Variants in SMARCC1 observed in about 807,000 individuals in gnomAD.
SMARCC1 encodes the protein SWI/SNF complex subunit SMARCC1.
In SMARCC1, 43 loss-of-function variants were observed where a neutral mutation model predicts 147.4. The ratio of observed to expected loss-of-function variants is 0.29; its 90% CI spans 0.23 to 0.38. The LOEUF is 0.38. SMARCC1 is among the 10% of genes least tolerant of loss of function. The probability of loss-of-function intolerance (pLI) is 1.00; values close to 1 mark genes in which losing one functional copy is unlikely to be tolerated. For missense variants in SMARCC1, 1,119 were observed against 1,381.1 expected (o/e 0.81, Z 3.01); for synonymous variants, 495 against 484.4 (o/e 1.02, Z -0.29).
At chr3:47,659,761 G>GGGA (rs1553680850) in intron 21 of SMARCC1, among the ~76,000 whole-genome samples, 1 of 10,190 alleles carries the variant, frequency 9.8e-5, no homozygotes, top group Non-Finnish European at 2.0e-4. Flanking sequence ...AAAAAAAAAA[G>GGGA]GGGGGGGGGG....
chr3:47,591,730 A>C (rs931844814), intron 26 of SMARCC1, among the ~76,000 whole-genome samples: 1 of 152,006 alleles, frequency 6.6e-6, no homozygotes, highest in African/African-American at 2.4e-5. Flanking sequence ...TTTTTAGTAG[A>C]GATGGGGTTT....
chr3:47,752,541 G>A (rs1206422747), intron 2 of SMARCC1, among the ~76,000 whole-genome samples: 2 of 152,038 alleles, frequency 1.3e-5, no homozygotes, highest in African/African-American at 2.4e-5. Context: ...ATTCTAACAC[G>A]TTGAGAGGCC....
chr3:47,624,160 G>C (rs2032775036), intron 24 of SMARCC1, among the ~76,000 whole-genome samples: 1 of 151,910 alleles, frequency 6.6e-6, no homozygotes, highest in South Asian at 2.1e-4. Flanking sequence ...GTGTGGTGGT[G>C]CATGTCTGTA....
At chr3:47,718,887 G>A (rs1244575166) in intron 7 of SMARCC1, among the ~76,000 whole-genome samples, 2 of 151,832 alleles carry the variant, frequency 1.3e-5, no homozygotes, top group Non-Finnish European at 2.9e-5. Context: ...CACTATGCAG[G>A]CATTAATATT....
At chr3:47,617,156 C>G (rs1049314637) in intron 25 of SMARCC1, among the ~76,000 whole-genome samples, 1 of 152,170 alleles carries the variant, frequency 6.6e-6, no homozygotes, top group Non-Finnish European at 1.5e-5. Context: ...TAGATAAATA[C>G]AAAGAGCTGA....
intron 24 of SMARCC1, among the ~76,000 whole-genome samples, chr3:47,627,870 C>T (rs971916676): frequency 3.3e-5 from 5 of 152,030 alleles, no homozygotes; most frequent in African/African-American, 1.2e-4. Context: ...ATAGGCATTA[C>T]ACCACCACGC....
chr3:47,618,294 C>A (rs1413070363), intron 25 of SMARCC1, among the ~76,000 whole-genome samples: 1 of 151,988 alleles, frequency 6.6e-6, no homozygotes, highest in Non-Finnish European at 1.5e-5. Flanking sequence ...GTAATCCAAA[C>A]CCCTTGGGAG....
chr3:47,672,728 A>G (rs1377455520), intron 18 of SMARCC1, among the ~76,000 whole-genome samples: 2 of 152,130 alleles, frequency 1.3e-5, no homozygotes, highest in African/African-American at 4.8e-5. Context: ...TCTCAGCCAC[A>G]AAGTGTAGAA....
chr3:47,714,380 GATT>G (rs746592958), intron 8 of SMARCC1, 32 bp downstream of exon 8: 64 of 1,320,820 alleles, frequency 4.8e-5, no homozygotes, highest in African/African-American at 4.2e-4. Context: ...ATTTTAAAAA[GATT>G]ATTGTAAGAT....
chr3:47,602,683 C>A (rs1479468975), intron 26 of SMARCC1, among the ~76,000 whole-genome samples: 3 of 152,180 alleles, frequency 2.0e-5, no homozygotes, highest in Non-Finnish European at 4.4e-5. Context: ...TTTCAAGGCA[C>A]TTCCAAAAAT....
chr3:47,600,294 G>A (rs1320650502), intron 26 of SMARCC1, among the ~76,000 whole-genome samples: 2 of 152,182 alleles, frequency 1.3e-5, no homozygotes, highest in African/African-American at 4.8e-5. Flanking sequence ...GTACCTAAGA[G>A]TGAATGATGT....
intron 5 of SMARCC1, among the ~76,000 whole-genome samples, chr3:47,729,674 C>T (rs748581536): frequency 3.9e-5 from 6 of 152,212 alleles, no homozygotes; most frequent in Non-Finnish European, 8.8e-5. Flanking sequence ...ATGTGAGCCA[C>T]TGTGTTCAGT....
chr3:47,656,000 C>T (rs2033256445), intron 21 of SMARCC1, among the ~76,000 whole-genome samples: 1 of 151,780 alleles, frequency 6.6e-6, no homozygotes, highest in African/African-American at 2.4e-5. Context: ...ATCACAAGGT[C>T]AGGAGTTCGA....
At chr3:47,735,007 G>C (rs1423302817) in intron 5 of SMARCC1, among the ~76,000 whole-genome samples, 4 of 152,036 alleles carry the variant, frequency 2.6e-5, no homozygotes, top group Non-Finnish European at 1.5e-5. Flanking sequence ...CGCCCGCCTT[G>C]GCCTCTCAAA....
intron 1 of SMARCC1, among the ~76,000 whole-genome samples, chr3:47,780,874 CTT>C (rs1250330470): frequency 6.6e-6 from 1 of 151,140 alleles, no homozygotes; most frequent in East Asian, 1.9e-4. Flanking sequence ...TAAGTCAAAA[CTT>C]TGAAAACTAC....
At position 47,686,870 on chromosome 3, in the gene SMARCC1, A is replaced by T. The variant is rs537557223; in HGVS notation, c.1264-700T>A. 3.9e-5 allele frequency among the ~76,000 whole-genome samples: 6 copies of T among 152,284 alleles called. No individual in the cohort carries two copies. The South Asian group carries it at 1.0e-3, about 26-fold the overall frequency. ...CATAGTGGTACATGCCTGTAGTCCC[A>T]GCTACTTTAGAGGCTGAAGTCAGCA... On this transcript the variant is annotated intron_variant, in intron 13 of 27. Transcript: ENST00000254480.
chr3:47,716,649 C>A (rs1241588132), intron 7 of SMARCC1, among the ~76,000 whole-genome samples: 2 of 152,160 alleles, frequency 1.3e-5, no homozygotes, highest in Non-Finnish European at 2.9e-5. Context: ...TATACCAACT[C>A]TATACTTATG....
At chr3:47,623,328 A>G (rs891929211) in intron 24 of SMARCC1, among the ~76,000 whole-genome samples, 5 of 152,094 alleles carry the variant, frequency 3.3e-5, no homozygotes, top group Non-Finnish European at 7.4e-5. Context: ...AATAGCATGG[A>G]GTGGCTATTT....
rs1445923112 is a variant in SMARCC1 at position 47,741,274 on chromosome 3, A to G, written c.402-3164T>C. Among the ~76,000 whole-genome samples, 4 of 151,476 alleles carry G rather than the reference A, an allele frequency of 2.6e-5. No homozygotes were observed. The South Asian group carries it at 8.3e-4, about 32-fold the overall frequency. Reference sequence around the variant, plus strand: ...GAGTTAGTCATATCAACCAAAGGCAATGTCTGCACTGCACCTTGTTTGAAT... The same window carrying G: ...GAGTTAGTCATATCAACCAAAGGCAGTGTCTGCACTGCACCTTGTTTGAAT... On this transcript the variant is annotated intron_variant, in intron 3 of 27. Coordinates refer to ENST00000254480, the MANE Select transcript of SMARCC1 (RefSeq NM_003074.4).
Sources: gnomAD v4.1 joint callset for allele counts (sites outside exome capture counted in the v4.1 genomes callset) on GRCh38, gnomAD v4.1.1 for gene constraint, MANE v1.5 for transcripts, NCBI Gene and HGNC (gene_info 2026-07-23, HGNC 2026-07-21) for gene names.